KIF16B: variants seen among roughly 807,000 people sequenced by gnomAD.
KIF16B encodes the protein kinesin-like protein KIF16B.
KIF16B carries 98 observed loss-of-function variants against 156.3 expected under a neutral mutation model. The ratio of observed to expected loss-of-function variants is 0.63; its 90% CI spans 0.53 to 0.74. The LOEUF (loss-of-function observed/expected upper bound fraction) is 0.74, where lower values mean the gene tolerates loss of function less well. Ranked by LOEUF, KIF16B falls within the 30% of genes least tolerant of loss-of-function variation. KIF16B has a pLI of 0.00. For synonymous variants in KIF16B, 564 were observed against 583.7 expected (o/e 0.97, Z 0.49); for missense variants, 1,421 against 1,606.5 (o/e 0.88, Z 1.97).
intron 25 of KIF16B, among the ~76,000 whole-genome samples, chr20:16,293,433 T>C (rs973555743): frequency 3.3e-5 from 5 of 152,198 alleles, no homozygotes; most frequent in African/African-American, 7.2e-5. Context: ...GAAAATGGTT[T>C]CCAACTAACA....
chr20:16,425,102 C>T lies in KIF16B; in HGVS notation c.1612+2002G>A, dbSNP rs143309892. Among the ~76,000 whole-genome samples, 641 of 152,238 alleles carry T rather than the reference C, an allele frequency of 4.2e-3. 3 individuals are homozygous for T. Among genetic ancestry groups the T allele is most frequent in the African/African-American group, 0.014 (586 of 41,556 alleles). ...AGTGACACTCCAGTAGCAATGAACA[C>T]ACCTGGTTGCTAAATACCATTCTGT... On this transcript the variant is annotated intron_variant, in intron 15 of 25. Transcript: ENST00000354981.
chr20:16,438,718 G>A (rs1179099886), intron 12 of KIF16B, among the ~76,000 whole-genome samples: 2 of 152,084 alleles, frequency 1.3e-5, no homozygotes, highest in Non-Finnish European at 2.9e-5. Flanking sequence ...ACCCAAGCAA[G>A]CTATGATGAA....
chr20:16,527,576 T>C (rs1600631183), intron 2 of KIF16B, among the ~76,000 whole-genome samples: 1 of 152,144 alleles, frequency 6.6e-6, no homozygotes, highest in Non-Finnish European at 1.5e-5. Context: ...TTTGTTGTTG[T>C]TTTTTTGTTT....
intron 7 of KIF16B, among the ~76,000 whole-genome samples, chr20:16,507,580 C>T (rs1304165002): frequency 2.6e-5 from 4 of 152,110 alleles, no homozygotes; most frequent in Non-Finnish European, 5.9e-5. Context: ...TGCCATGGAG[C>T]GGTAATGAAC....
chr20:16,532,886 A>G lies in KIF16B; in HGVS notation c.48-4446T>C, dbSNP rs140297429. ...ACTCCTGCTGGAAGCCAGAGACTCC[A>G]TAACTCCCCATCTCAGAACCTTACA... On this transcript the variant is annotated intron_variant, in intron 1 of 25. Transcript: ENST00000354981. Among the ~76,000 whole-genome samples the G allele has an allele frequency of 9.2e-5, 14 of 152,286 alleles. 1 individual carries two copies. In the East Asian group the frequency reaches 1.2e-3, roughly 13 times the overall value.
chr20:16,535,931 ATTTC>A (rs1278053311), intron 1 of KIF16B, among the ~76,000 whole-genome samples: 6 of 152,212 alleles, frequency 3.9e-5, no homozygotes, highest in Non-Finnish European at 8.8e-5. Flanking sequence ...CAGAATGGAG[ATTTC>A]TTTAAAAATT....
chr20:16,465,342 G>A (rs903359871), intron 12 of KIF16B, among the ~76,000 whole-genome samples: 1 of 152,120 alleles, frequency 6.6e-6, no homozygotes, highest in Non-Finnish European at 1.5e-5. Context: ...CTTTGCTAAT[G>A]CAGTTTAGGT....
intron 15 of KIF16B, among the ~76,000 whole-genome samples, chr20:16,407,560 G>A (rs752998110): frequency 9.2e-5 from 14 of 152,116 alleles, no homozygotes; most frequent in Non-Finnish European, 1.6e-4. Flanking sequence ...GAGGGCAAGA[G>A]GAAGTGTTCC....
chr20:16,396,282 T>C (rs1460028919), intron 17 of KIF16B, among the ~76,000 whole-genome samples: 1 of 151,998 alleles, frequency 6.6e-6, no homozygotes, highest in East Asian at 1.9e-4. Flanking sequence ...CCCGAAACCA[T>C]CCATCCCCCT....
chr20:16,470,460 C>T (rs1049331932), intron 12 of KIF16B, among the ~76,000 whole-genome samples: 1 of 152,014 alleles, frequency 6.6e-6, no homozygotes, highest in African/African-American at 2.4e-5. Flanking sequence ...GAACTCTCCA[C>T]ACTTAAAGTT....
intron 22 of KIF16B, among the ~76,000 whole-genome samples, chr20:16,359,414 T>C (rs916281639): frequency 3.9e-5 from 6 of 152,150 alleles, no homozygotes; most frequent in African/African-American, 1.2e-4. Flanking sequence ...TCCACCATGA[T>C]TGTAATCTTC....
intron 1 of KIF16B, among the ~76,000 whole-genome samples, chr20:16,533,554 A>G (rs942509566): frequency 6.6e-6 from 1 of 152,180 alleles, no homozygotes; most frequent in Non-Finnish European, 1.5e-5. Flanking sequence ...TTGACTTTTA[A>G]ATTTTATTTT....
At chr20:16,446,778 T>G (rs1182663176) in intron 12 of KIF16B, among the ~76,000 whole-genome samples, 1 of 152,214 alleles carries the variant, frequency 6.6e-6, no homozygotes, top group Non-Finnish European at 1.5e-5. Flanking sequence ...ATTGTGTTAA[T>G]TTAGGCTTAA....
At chr20:16,404,475 G>A (rs992476115) in intron 17 of KIF16B, among the ~76,000 whole-genome samples, 1 of 152,164 alleles carries the variant, frequency 6.6e-6, no homozygotes, top group African/African-American at 2.4e-5. Context: ...AAGTGCGTAA[G>A]CCAAAGGGAT....
chr20:16,540,826 G>A (rs2070168531), intron 1 of KIF16B, among the ~76,000 whole-genome samples: 1 of 152,258 alleles, frequency 6.6e-6, no homozygotes, highest in African/African-American at 2.4e-5. Context: ...TCCCATAATA[G>A]TTAATTTTAT....
chr20:16,422,914 G>T (rs1268606223), intron 15 of KIF16B, among the ~76,000 whole-genome samples: 1 of 151,986 alleles, frequency 6.6e-6, no homozygotes, highest in East Asian at 1.9e-4. Flanking sequence ...TCTTTAAAAA[G>T]TTAATAAGCA....
intron 1 of KIF16B, among the ~76,000 whole-genome samples, chr20:16,547,739 C>T (rs946372146): frequency 2.6e-5 from 4 of 152,206 alleles, no homozygotes; most frequent in Non-Finnish European, 2.9e-5. Context: ...TAAACACATG[C>T]ATTATTTTCA....
At chr20:16,469,908 T>C (rs1350719116) in intron 12 of KIF16B, among the ~76,000 whole-genome samples, 1 of 151,964 alleles carries the variant, frequency 6.6e-6, no homozygotes, top group Non-Finnish European at 1.5e-5. Context: ...AATTGCCAAA[T>C]CGTGGAAGCA....
At chr20:16,516,320 G>A (rs188540192) in intron 3 of KIF16B, among the ~76,000 whole-genome samples, 55 of 152,280 alleles carry the variant, frequency 3.6e-4, no homozygotes, top group African/African-American at 1.3e-3. Flanking sequence ...CTGAATCCAC[G>A]TCCGATGTTC....
Sources: gnomAD v4.1 joint callset for allele counts (sites outside exome capture counted in the v4.1 genomes callset) on GRCh38, gnomAD v4.1.1 for gene constraint, MANE v1.5 for transcripts, NCBI Gene and HGNC (gene_info 2026-07-23, HGNC 2026-07-21) for gene names.